The following CDK7 variants were observed in gnomAD, a reference collection of about 807,000 sequenced individuals.
CDK7 encodes cyclin-dependent kinase 7.
CDK7 carries 25 observed loss-of-function variants against 49.1 expected under a neutral mutation model. That is an observed-to-expected ratio of 0.51 (90% CI 0.37 to 0.71). The LOEUF (loss-of-function observed/expected upper bound fraction) is 0.71, where lower values mean the gene tolerates loss of function less well. CDK7 is among the 30% of genes least tolerant of loss of function. The pLI is 0.00. For missense variants in CDK7, 316 were observed against 411.7 expected (o/e 0.77, Z 2.01); for synonymous variants, 107 against 140.0 (o/e 0.76, Z 1.67).
At chr5:69,255,619 G>A (rs1750434300) in intron 5 of CDK7, 91 bp downstream of exon 5, 1 of 951,434 alleles carries the variant, frequency 1.1e-6, no homozygotes, top group Non-Finnish European at 1.7e-6. Context: ...GATACTGGTA[G>A]TAAAAGAAAA....
intron 11 of CDK7, 126 bp downstream of exon 11, chr5:69,276,816 A>T: frequency 2.3e-6 from 2 of 862,102 alleles, no homozygotes; most frequent in Non-Finnish European, 3.5e-6. Flanking sequence ...TATAAATTTA[A>T]TTGTATAAAG....
intron 2 of CDK7, among the ~76,000 whole-genome samples, chr5:69,246,386 C>T (rs576714201): frequency 3.4e-4 from 52 of 152,030 alleles, no homozygotes; most frequent in Non-Finnish European, 6.9e-4. Context: ...CTGCCCGCCT[C>T]CGCCTTCCAA....
In CDK7 at chr5:69,262,319, A is replaced by G. The variant is rs1004753998; in HGVS notation, c.627+15A>G. 3 of 1,613,922 alleles carry G rather than the reference A, an allele frequency of 1.9e-6. No individual in the cohort carries two copies. The highest frequency in any genetic ancestry group is 2.7e-5 in the African/African-American group (2 of 74,918). On this transcript the variant is annotated intron_variant, in intron 8 of 11. Transcript: ENST00000256443. ...TACTTCTAAGGGTAAGTCTAAATTA[A>G]TGTACGCACTTTAATATTGTTGTTG...
At position 69,255,243 on chromosome 5, in the gene CDK7, T is replaced by A. The variant is rs371080871; in HGVS notation, c.229-217T>A. ...ATATTTGGGGAAAGAGGTTGGGTAT[T>A]TTTTTAAGTAAAATTTAATATTTTT... On this transcript the variant is annotated intron_variant, in intron 4 of 11. Transcript: ENST00000256443. 5.9e-5 allele frequency among the ~76,000 whole-genome samples: 9 copies of A among 152,202 alleles called. No homozygotes were observed. In the East Asian group the frequency reaches 1.3e-3, roughly 23 times the overall value.
At chr5:69,240,541 A>C (rs1749296782) in intron 2 of CDK7, among the ~76,000 whole-genome samples, 1 of 152,174 alleles carries the variant, frequency 6.6e-6, no homozygotes, top group African/African-American at 2.4e-5. Flanking sequence ...GTCACTGTTG[A>C]ATCTGGGTGA....
intron 7 of CDK7, 58 bp from the exon 8 acceptor site, chr5:69,262,147 G>A: frequency 6.2e-7 from 1 of 1,608,644 alleles, no homozygotes. Context: ...CATCCCTAGA[G>A]ATAGAAGTGC....
rs751833112 is a variant in CDK7 at position 69,259,821 on chromosome 5, C to T, written c.412C>T (p.Leu138=). Residue 138 remains leucine (L), a synonymous_variant, in exon 7 of 12, where the codon CTG becomes TTG. Transcript: ENST00000256443. ...GTTTAAAACTTCCGTCATATAGGAT[C>T]TGAAACCAAACAACTTGTTGCTAGA... The part of the protein sequence containing the change: ...LHQHWILHRD[L]KPNNLLLDEN... 6.2e-6 allele frequency: 10 copies of T among 1,610,736 alleles called. No individual in the cohort carries two copies. The Admixed American group carries it at 1.5e-4, about 24-fold the overall frequency.
At chr5:69,274,222 T>A (rs1579879745) in intron 10 of CDK7, among the ~76,000 whole-genome samples, 2 of 152,364 alleles carry the variant, frequency 1.3e-5, no homozygotes, top group East Asian at 3.9e-4. Flanking sequence ...GTTTTTAAAG[T>A]GAGTTTTGTT....
chr5:69,274,954 A>G (rs948069921), intron 10 of CDK7, among the ~76,000 whole-genome samples: 10 of 151,244 alleles, frequency 6.6e-5, no homozygotes, highest in African/African-American at 9.7e-5. Flanking sequence ...GGACAGCACT[A>G]TGCTGCTGAT....
At chr5:69,255,594 T>A in intron 5 of CDK7, 66 bp downstream of exon 5, 1 of 1,168,144 alleles carries the variant, frequency 8.6e-7, no homozygotes, top group Non-Finnish European at 1.3e-6. Context: ...TAAATATTTG[T>A]TTTCTACCCA....
chr5:69,234,868 C>T (rs904334776), upstream of CDK7: 3 of 1,133,848 alleles, frequency 2.6e-6, no homozygotes, highest in Admixed American at 2.1e-5. Context: ...ACTAAAGCGA[C>T]GGAGCCCGGT....
At chr5:69,250,021 C>T (rs910721204) in intron 2 of CDK7, among the ~76,000 whole-genome samples, 5 of 152,204 alleles carry the variant, frequency 3.3e-5, no homozygotes, top group Admixed American at 6.5e-5. Context: ...ACAGCTATTT[C>T]GAATTCTCTG....
At position 69,276,907 on chromosome 5, in the gene CDK7, G is replaced by T. The variant is rs1186318283; in HGVS notation, c.1013-200G>T. On this transcript the variant is annotated intron_variant, in intron 11 of 11. Coordinates refer to ENST00000256443, the MANE Select transcript of CDK7 (RefSeq NM_001799.4). ...CTTTTGTGTATACCTCAGAATTATGGGAACTATGTATGTGTACCTTGTTCC... is the reference window on the plus strand; with the variant it reads ...CTTTTGTGTATACCTCAGAATTATGTGAACTATGTATGTGTACCTTGTTCC... Among the ~76,000 whole-genome samples the T allele has an allele frequency of 2.6e-5, 4 of 152,088 alleles. No individual in the cohort carries two copies. In the South Asian group the frequency reaches 8.3e-4, roughly 32 times the overall value.
In CDK7 at chr5:69,244,484, A is replaced by T. The variant is rs546594077; in HGVS notation, c.127-7934A>T. Among the ~76,000 whole-genome samples, 33 of 152,178 alleles carry T rather than the reference A, an allele frequency of 2.2e-4. No homozygotes were observed. The South Asian group carries it at 6.6e-3, about 31-fold the overall frequency. On this transcript the variant is annotated intron_variant, in intron 2 of 11. Transcript: ENST00000256443. ...CTCGTCTCTACTAAAAGTACAAAAA[A>T]AATTAGCCAGGCATGATGGCGCATG... is the stretch of plus-strand genomic sequence containing the variant.
intron 7 of CDK7, among the ~76,000 whole-genome samples, chr5:69,261,824 C>T (rs1400691158): frequency 4.6e-5 from 7 of 151,942 alleles, no homozygotes; most frequent in Admixed American, 6.6e-5. Flanking sequence ...CCACCACACC[C>T]GGCCTGAAAA....
intron 9 of CDK7, among the ~76,000 whole-genome samples, chr5:69,270,003 G>A (rs1204404968): frequency 7.3e-6 from 1 of 136,572 alleles, no homozygotes; most frequent in Admixed American, 7.2e-5. Context: ...AGGCTGAGGC[G>A]GGCAGATCAT....
Position 69,277,127 on chromosome 5 carries a change from AT to A in CDK7, c.1039del (p.Ter347LysfsTer19). On this transcript the variant is annotated frameshift_variant, in exon 12 of 12. Transcript: ENST00000256443. LOFTEE classifies it high-confidence loss of function. ...CCTAGGAGGATTGCCCAAGAAACTA[AT>A]TTTTTAAAGAGAACACTGGACAACA... ...LEQGGLPKKL[I>X]F 6.3e-7 allele frequency: 1 copy of A among 1,599,694 alleles called. No homozygotes were observed. The highest frequency in any genetic ancestry group is 8.5e-7 in the Non-Finnish European group (1 of 1,174,664).
chr5:69,249,951 C>A (rs572066604), intron 2 of CDK7, among the ~76,000 whole-genome samples: 130 of 152,334 alleles, frequency 8.5e-4, no homozygotes, highest in Non-Finnish European at 1.5e-3. Context: ...GTTGAATTTA[C>A]CTGATAGGAT....
intron 8 of CDK7, among the ~76,000 whole-genome samples, chr5:69,266,274 G>A (rs1196023050): frequency 1.3e-5 from 2 of 152,116 alleles, no homozygotes; most frequent in African/African-American, 4.8e-5. Context: ...CCGAATTAGA[G>A]GAGACAGACC....
Sources: allele counts gnomAD v4.1 joint callset (sites outside exome capture counted in the v4.1 genomes callset), GRCh38; gene constraint gnomAD v4.1.1; transcripts MANE v1.5; gene names NCBI Gene and HGNC (gene_info 2026-07-23, HGNC 2026-07-21).